Variants in PXDN observed in about 807,000 individuals in gnomAD.
PXDN encodes the protein peroxidasin.
In PXDN, 77 loss-of-function variants were observed where a neutral mutation model predicts 140.3. The ratio of observed to expected loss-of-function variants is 0.55; its 90% CI spans 0.46 to 0.66. The LOEUF is 0.66. Ranked by LOEUF, PXDN falls within the 30% of genes least tolerant of loss-of-function variation. PXDN has a pLI of 0.00. For missense variants in PXDN, 1,838 were observed against 2,039.5 expected, an observed-to-expected ratio of 0.90 and a Z score of 1.90; for synonymous variants, 911 against 857.4, an observed-to-expected ratio of 1.06 and a Z score of -1.09.
rs531143269 is a variant in PXDN, at chr2:1,705,120, C to G, written c.201-11986G>C. Among the ~76,000 whole-genome samples, 30 of 33,484 alleles carry G rather than the reference C, an allele frequency of 9.0e-4. No individual in the cohort carries two copies. The East Asian group carries it at 0.016, about 18-fold the overall frequency. 22.0% of individuals were successfully genotyped at this position (33,484 alleles called of 152,430 possible). On this transcript the variant is annotated intron_variant, in intron 1 of 22. Transcript: ENST00000252804. Reference sequence around the variant, plus strand: ...GCCCATCACGTGAGAGCCGTGAGAGCAGAGGGCACGTCTGCACACATCCCA... The same window carrying G: ...GCCCATCACGTGAGAGCCGTGAGAGGAGAGGGCACGTCTGCACACATCCCA...
chr2:1,680,519 C>T (rs1683873229), intron 6 of PXDN, among the ~76,000 whole-genome samples, 157 bp from the exon 7 acceptor site: 1 of 152,156 alleles, frequency 6.6e-6, no homozygotes, highest in Non-Finnish European at 1.5e-5. Context: ...GGAATCTGAG[C>T]CCCGGTGCCC....
At chr2:1,707,304 G>C (rs201353103) in intron 1 of PXDN, among the ~76,000 whole-genome samples, 1 of 9,802 alleles carries the variant, frequency 1.0e-4, no homozygotes, top group African/African-American at 8.2e-4. Context: ...GCACGCTTCA[G>C]TGTTCAGCGA....
intron 4 of PXDN, among the ~76,000 whole-genome samples, chr2:1,684,635 C>T (rs1177452351): frequency 6.6e-6 from 1 of 152,096 alleles, no homozygotes; most frequent in Non-Finnish European, 1.5e-5. Flanking sequence ...CCTTCAAGAC[C>T]ACAAAGGAAA....
rs748853041 is a variant in PXDN at position 1,666,395 on chromosome 2, C to CG, written c.1109dup (p.Pro371AlafsTer9). 1 of 1,613,800 alleles carries CG rather than the reference C, an allele frequency of 6.2e-7. No homozygotes were observed. The highest frequency in any genetic ancestry group is 8.5e-7 in the Non-Finnish European group (1 of 1,179,876). ...CACCTCTCGTCCAGGAGATCCGCGGCGGGGGGTGGCCTGTGGCGCTGCACT... is the reference window on the plus strand; with the variant it reads ...CACCTCTCGTCCAGGAGATCCGCGGCGGGGGGGTGGCCTGTGGCGCTGCACT... On this transcript the variant is annotated frameshift_variant, in exon 10 of 23. Coordinates refer to ENST00000252804, the MANE Select transcript of PXDN (RefSeq NM_012293.3). LOFTEE classifies it high-confidence loss of function.
At chr2:1,698,849 A>G (rs1326079822) in intron 1 of PXDN, among the ~76,000 whole-genome samples, 1 of 152,226 alleles carries the variant, frequency 6.6e-6, no homozygotes, top group Non-Finnish European at 1.5e-5. Flanking sequence ...TTAAGCATGA[A>G]CTATGAATTT....
rs1290211173 is a variant in PXDN at position 1,639,521 on chromosome 2, G to A, written c.3953-99C>T. 1.5e-5 allele frequency: 24 copies of A among 1,557,578 alleles called. No homozygotes were observed. The highest frequency in any genetic ancestry group is 3.5e-5 in the South Asian group (3 of 86,058). ...ACTATGAAGTCTTCACTGGCTGCCC[G>A]TGGAACAAACTGTGGCACATTTCAG... is the stretch of plus-strand genomic sequence containing the variant. On this transcript the variant is annotated intron_variant, in intron 19 of 22. Coordinates refer to ENST00000252804, the MANE Select transcript of PXDN (RefSeq NM_012293.3). This position sits in a 1 kb window ranked among gnomAD's most constrained non-coding sequence, Gnocchi z 5.0.
At chr2:1,717,730 C>G (rs1456524056) in intron 1 of PXDN, among the ~76,000 whole-genome samples, 1 of 152,076 alleles carries the variant, frequency 6.6e-6, no homozygotes, top group African/African-American at 2.4e-5. Flanking sequence ...CTCCACTAAC[C>G]GACCACCCAA....
chr2:1,642,862 C>T (rs1033826305), intron 19 of PXDN, among the ~76,000 whole-genome samples: 28 of 152,182 alleles, frequency 1.8e-4, no homozygotes, highest in Non-Finnish European at 3.5e-4. Context: ...CAGGGCCCCC[C>T]GCGCCAATCA....
intron 14 of PXDN, among the ~76,000 whole-genome samples, chr2:1,659,165 ACCGGACTATGGATGGACATCTCCAG>A (rs1272614146): frequency 6.6e-6 from 1 of 152,228 alleles, no homozygotes; most frequent in African/African-American, 2.4e-5. Flanking sequence ...ATGTGCTCAC[ACCGGACTATGGATGGACATCTCCAG>A]CCTGATTTAT....
Position 1,649,767 on chromosome 2 carries a change from G to T in PXDN, c.2105-92C>A. ...TTGGCACCTCTGCCGCTGACATGGG[G>T]CTATCTACCCCCAGCTCATGAAACC... On this transcript the variant is annotated intron_variant, in intron 16 of 22. Transcript: ENST00000252804. The surrounding 1 kb of genome is among the most constrained non-coding windows in gnomAD (Gnocchi z 7.1). 1 of 1,407,830 alleles carries T rather than the reference G, an allele frequency of 7.1e-7. No homozygotes were observed. The highest frequency in any genetic ancestry group is 9.9e-7 in the Non-Finnish European group (1 of 1,005,740). 87.2% of individuals were successfully genotyped at this position (1,407,830 alleles called of 1,614,324 possible).
At chr2:1,690,226 T>C (rs1684155086) in intron 3 of PXDN, among the ~76,000 whole-genome samples, 1 of 152,178 alleles carries the variant, frequency 6.6e-6, no homozygotes, top group Admixed American at 6.5e-5. Flanking sequence ...CTTTAGTCCG[T>C]TTCTGAGTCA....
intron 1 of PXDN, among the ~76,000 whole-genome samples, chr2:1,720,171 CAGAG>C (rs1158647037): frequency 1.9e-4 from 7 of 36,318 alleles, no homozygotes; most frequent in Admixed American, 4.2e-4. Context: ...GGGAGGGATG[CAGAG>C]AGAGAGAGAT....
At position 1,634,234 on chromosome 2, in the gene PXDN, G is replaced by C. The variant is rs1682487718; in HGVS notation, c.4410C>G (p.Cys1470Trp). The C allele has an allele frequency of 6.2e-7, 1 of 1,603,152 alleles. No homozygotes were observed. The highest frequency in any genetic ancestry group is 2.2e-5 in the East Asian group (1 of 44,500). Residue 1470 changes from cysteine to tryptophan, a missense_variant, in exon 23 of 23, where the codon TGC (cysteine) becomes TGG (tryptophan). Around this residue, in one of 5 missense-constraint regions of PXDN, gnomAD observed 850 missense variants for 894.1 expected, o/e 0.95. Transcript: ENST00000252804. The part of the protein sequence containing the change: ...VNIPGACCPV[C>W]LQKRAEEKP ...GCTTTTCCTCCGCCCTCTTCTGTAA[G>C]CAGACTGGACAGCAGGCCCCTGGGA...
intron 1 of PXDN, among the ~76,000 whole-genome samples, chr2:1,703,014 G>A (rs1296714553): frequency 1.6e-4 from 18 of 111,656 alleles, no homozygotes; most frequent in South Asian, 3.8e-4. Context: ...AGGTGAAGGG[G>A]GGACAGCTCC....
chr2:1,694,937 C>A (rs1684267014), intron 1 of PXDN, among the ~76,000 whole-genome samples: 1 of 152,198 alleles, frequency 6.6e-6, no homozygotes, highest in Admixed American at 6.5e-5. Flanking sequence ...GGCTTCCCAG[C>A]ATTTGAACAG....
chr2:1,679,219 G>A (rs1347028230), intron 7 of PXDN, among the ~76,000 whole-genome samples: 1 of 151,100 alleles, frequency 6.6e-6, no homozygotes, highest in Non-Finnish European at 1.5e-5. Context: ...CTGCATGTGT[G>A]TGTCTATAAA....
rs559653421 is a variant in PXDN at position 1,736,053 on chromosome 2, A to G, written c.200+8203T>C. On this transcript the variant is annotated intron_variant, in intron 1 of 22. Transcript: ENST00000252804. Reference sequence around the variant, plus strand: ...CATGAACCAATCTCTGCTAGCTCCAAACGTTCCTTCTGCAGCTTCCTTAAC... The same window carrying G: ...CATGAACCAATCTCTGCTAGCTCCAGACGTTCCTTCTGCAGCTTCCTTAAC... 9.9e-5 allele frequency among the ~76,000 whole-genome samples: 15 copies of G among 152,282 alleles called. No individual in the cohort carries two copies. In the South Asian group the frequency reaches 3.1e-3, roughly 32 times the overall value.
chr2:1,680,616 G>A lies in PXDN; in HGVS notation c.561-254C>T, dbSNP rs561587000. Among the ~76,000 whole-genome samples the A allele has an allele frequency of 6.6e-5, 10 of 152,332 alleles. No individual in the cohort carries two copies. The South Asian group carries it at 2.1e-3, about 32-fold the overall frequency. Reference sequence around the variant, plus strand: ...CCCTCAAGGCACTAACCGTAGAGGCGTGAGTAGCATAGGGCTTGTGCACAC... The same window carrying A: ...CCCTCAAGGCACTAACCGTAGAGGCATGAGTAGCATAGGGCTTGTGCACAC... On this transcript the variant is annotated intron_variant, in intron 6 of 22. Transcript: ENST00000252804.
intron 18 of PXDN, among the ~76,000 whole-genome samples, 170 bp from the exon 19 acceptor site, chr2:1,643,746 T>C (rs1253996073): frequency 6.6e-6 from 1 of 151,900 alleles, no homozygotes; most frequent in African/African-American, 2.4e-5. Context: ...CCCTACCCCA[T>C]AACAAAACCA....
Sources: allele counts gnomAD v4.1 joint callset (sites outside exome capture counted in the v4.1 genomes callset), GRCh38; gene constraint gnomAD v4.1.1; regional missense constraint gnomAD v4.1.1; non-coding constraint Gnocchi (gnomAD v3.1); transcripts MANE v1.5; gene names NCBI Gene and HGNC (gene_info 2026-07-23, HGNC 2026-07-21).